Variants in TTC28 observed in about 807,000 individuals in gnomAD.
TTC28 encodes tetratricopeptide repeat protein 28.
A neutral mutation model predicts 198.0 loss-of-function variants in TTC28; 61 were observed. The ratio of observed to expected loss-of-function variants is 0.31; its 90% CI spans 0.25 to 0.38. TTC28 has a LOEUF of 0.38. Among genes scored for constraint, TTC28 ranks in the 10% least tolerant of loss-of-function variants. The probability of loss-of-function intolerance (pLI) is 1.00; values close to 1 mark genes in which losing one functional copy is unlikely to be tolerated. For missense variants in TTC28, 2,678 were observed against 3,164.0 expected, an observed-to-expected ratio of 0.85 and a Z score of 3.69; for synonymous variants, 1,171 against 1,297.8, an observed-to-expected ratio of 0.90 and a Z score of 2.10.
intron 2 of TTC28, among the ~76,000 whole-genome samples, chr22:28,513,595 CT>C (rs2048726629): frequency 6.6e-6 from 1 of 152,104 alleles, no homozygotes; most frequent in Non-Finnish European, 1.5e-5. Context: ...AGAATGATAC[CT>C]GTCTCTAAAT....
chr22:28,478,519 C>G (rs951102584), intron 2 of TTC28, among the ~76,000 whole-genome samples: 1 of 148,762 alleles, frequency 6.7e-6, no homozygotes, highest in Non-Finnish European at 1.5e-5. Flanking sequence ...AAAATCAAAT[C>G]AAATAAAATA....
chr22:28,168,160 T>C (rs962819670), intron 5 of TTC28, among the ~76,000 whole-genome samples: 2 of 152,054 alleles, frequency 1.3e-5, no homozygotes, highest in Admixed American at 1.3e-4. Context: ...CACTGCTCAA[T>C]GAAACAAAAG....
chr22:28,382,160 G>T (rs2046506675), intron 2 of TTC28, among the ~76,000 whole-genome samples: 1 of 152,102 alleles, frequency 6.6e-6, no homozygotes. Context: ...GTGACTGTTG[G>T]TAAGATCCAA....
intron 2 of TTC28, among the ~76,000 whole-genome samples, chr22:28,435,046 T>C (rs1343309577): frequency 2.6e-5 from 4 of 152,214 alleles, no homozygotes; most frequent in African/African-American, 9.7e-5. Flanking sequence ...TCTTTAATAG[T>C]TCAAATTGAG....
chr22:28,583,863 C>T (rs1007583682), intron 2 of TTC28, among the ~76,000 whole-genome samples: 9 of 152,044 alleles, frequency 5.9e-5, no homozygotes, highest in African/African-American at 1.9e-4. Context: ...CCCAAAAAAG[C>T]AGATGGGTCA....
intron 13 of TTC28, among the ~76,000 whole-genome samples, chr22:28,023,199 G>A (rs1004037449): frequency 7.2e-5 from 11 of 152,256 alleles, no homozygotes; most frequent in African/African-American, 2.7e-4. Context: ...CCTCCACCAA[G>A]AGGGTCTGCA....
intron 2 of TTC28, among the ~76,000 whole-genome samples, chr22:28,421,630 G>A (rs1029315077): frequency 3.9e-5 from 6 of 152,122 alleles, no homozygotes; most frequent in Non-Finnish European, 5.9e-5. Flanking sequence ...TTAACAAAAT[G>A]TCAATAACTG....
Position 28,142,965 on chromosome 22 carries a change from C to A in TTC28, c.1441+20127G>T, listed in dbSNP as rs572406790. On this transcript the variant is annotated intron_variant, in intron 6 of 22. Transcript: ENST00000397906. The stretch of plus-strand genomic sequence containing the variant: ...CCATCTGTACATTTTTCATGACTCT[C>A]CAGGGGTGTGAAATGTCCTTCAACA... Among the ~76,000 whole-genome samples, 9 of 152,246 alleles carry A rather than the reference C, an allele frequency of 5.9e-5. No individual in the cohort carries two copies. In the South Asian group the frequency reaches 1.9e-3, roughly 32 times the overall value.
At chr22:28,461,862 C>A in intron 2 of TTC28, among the ~76,000 whole-genome samples, 1 of 152,288 alleles carries the variant, frequency 6.6e-6, no homozygotes, top group East Asian at 1.9e-4. Context: ...GTCATGCTAA[C>A]CCCCACCCAG....
intron 2 of TTC28, among the ~76,000 whole-genome samples, chr22:28,561,313 T>C (rs2049875411): frequency 6.6e-6 from 1 of 151,702 alleles, no homozygotes; most frequent in Non-Finnish European, 1.5e-5. Context: ...CCTGACCTTG[T>C]GATCCACCCA....
At chr22:28,392,771 C>T (rs533252206) in intron 2 of TTC28, among the ~76,000 whole-genome samples, 2 of 152,188 alleles carry the variant, frequency 1.3e-5, no homozygotes, top group East Asian at 3.9e-4. Flanking sequence ...GAACCCGGTA[C>T]CTCAGATGGA....
Position 28,163,381 on chromosome 22 carries a change from G to C in TTC28, c.1152C>G (p.Ala384=), listed in dbSNP as rs1921468949. The part of the protein sequence containing the change: ...VQCHEQHLKI[A]KDLGNKREEA... ...CTTCTCGCTTGTTCCCCAGGTCCTTGGCTATCTTCAGATGCTGCTCATGGC... is the reference window on the plus strand; with the variant it reads ...CTTCTCGCTTGTTCCCCAGGTCCTTCGCTATCTTCAGATGCTGCTCATGGC... The change falls in exon 6 of 23, where the codon GCC becomes GCG. Residue 384 remains alanine, a synonymous_variant. Transcript: ENST00000397906. 6.4e-7 allele frequency: 1 copy of C among 1,551,998 alleles called. No homozygotes were observed.
intron 2 of TTC28, among the ~76,000 whole-genome samples, chr22:28,603,680 C>A (rs12166129): frequency 0.069 from 10,521 of 152,168 alleles, 532 homozygotes; most frequent in Non-Finnish European, 0.096. Context: ...CAAGTGTGAG[C>A]CACCATGCCC....
At chr22:28,200,644 C>T (rs1925845970) in intron 5 of TTC28, among the ~76,000 whole-genome samples, 1 of 152,040 alleles carries the variant, frequency 6.6e-6, no homozygotes, top group African/African-American at 2.4e-5. Context: ...CCACTGAGAA[C>T]ATAAGAGCCA....
At chr22:28,584,423 G>T (rs996081236) in intron 2 of TTC28, among the ~76,000 whole-genome samples, 1 of 151,982 alleles carries the variant, frequency 6.6e-6, no homozygotes, top group Non-Finnish European at 1.5e-5. Flanking sequence ...AGCTAAATCT[G>T]GTGTAATTCT....
intron 5 of TTC28, among the ~76,000 whole-genome samples, chr22:28,275,692 A>AT (rs995761634): frequency 2.2e-4 from 33 of 151,346 alleles, no homozygotes; most frequent in African/African-American, 4.8e-4. Flanking sequence ...TAAAGCAATC[A>AT]TTTTTTTTTA....
At chr22:28,046,607 TC>T (rs1329408431) in intron 12 of TTC28, among the ~76,000 whole-genome samples, 1 of 152,132 alleles carries the variant, frequency 6.6e-6, no homozygotes, top group African/African-American at 2.4e-5. Flanking sequence ...AGCCCCTCTC[TC>T]CTCCCACAAA....
intron 2 of TTC28, among the ~76,000 whole-genome samples, chr22:28,514,402 A>G (rs1049293179): frequency 3.3e-5 from 5 of 152,260 alleles, no homozygotes; most frequent in Admixed American, 6.5e-5. Context: ...AACCATGCAC[A>G]CTAAAATATT....
chr22:27,988,328 C>T (rs1217924453), intron 21 of TTC28, among the ~76,000 whole-genome samples: 12 of 146,142 alleles, frequency 8.2e-5, no homozygotes, highest in African/African-American at 2.1e-4. Context: ...GCTCTTGTCG[C>T]CCAGGCTGGA....
Sources: gnomAD v4.1 joint callset for allele counts (sites outside exome capture counted in the v4.1 genomes callset) on GRCh38, gnomAD v4.1.1 for gene constraint, MANE v1.5 for transcripts, NCBI Gene and HGNC (gene_info 2026-07-23, HGNC 2026-07-21) for gene names.